The following AFF4 variants were observed in gnomAD, a reference collection of about 807,000 sequenced individuals.
AFF4 encodes the protein ALF transcription elongation factor 4.
In AFF4, 13 loss-of-function variants were observed where a neutral mutation model predicts 124.8. That is an observed-to-expected ratio of 0.10 (90% CI 0.07 to 0.17). The LOEUF is 0.17. Ranked by LOEUF, AFF4 falls within the 10% of genes least tolerant of loss-of-function variation. AFF4 has a pLI of 1.00. For missense variants in AFF4, 1,092 were observed against 1,403.8 expected, an observed-to-expected ratio of 0.78 and a Z score of 3.55; for synonymous variants, 477 against 496.1, an observed-to-expected ratio of 0.96 and a Z score of 0.51.
In AFF4 at chr5:132,879,727, G is replaced by A. The variant is rs80086203; in HGVS notation, c.*1332C>T. On this transcript the variant is annotated 3_prime_UTR_variant, in exon 21 of 21. Coordinates refer to ENST00000265343, the MANE Select transcript of AFF4 (RefSeq NM_014423.4). ...CTTCTATATGCACCTTGTAGCAAAAGGTACTTTGATATACAACTCTTACAG... is the reference window on the plus strand; with the variant it reads ...CTTCTATATGCACCTTGTAGCAAAAAGTACTTTGATATACAACTCTTACAG... 1,095 of 214,974 alleles carry A rather than the reference G, an allele frequency of 5.1e-3. 7 individuals are homozygous for A. The highest frequency in any genetic ancestry group is 6.2e-3 in the Non-Finnish European group (654 of 106,330). The allele number at this position is 214,974 out of a possible 1,614,324, so 13.3% of individuals were successfully genotyped here.
At chr5:132,926,678 G>C (rs1206750097) in intron 5 of AFF4, 1 of 149,268 alleles carries the variant, frequency 6.7e-6, no homozygotes, top group African/African-American at 2.5e-5. Context: ...CTGGGACCAC[G>C]GGCCTGTGCC....
chr5:132,926,245 G>T (rs1761168506), intron 5 of AFF4: 1 of 478,528 alleles, frequency 2.1e-6, no homozygotes, highest in Non-Finnish European at 4.2e-6. Flanking sequence ...TGGGATGAAG[G>T]GGACGGAATT....
In AFF4 at chr5:132,949,616, C is replaced by A. The variant is rs1178001387; in HGVS notation, c.-4-12423G>T. Reference sequence around the variant, plus strand: ...CACAAGGCCAGGAGACTGAGACCATCCTGCGGGTGGATCACGAGGCCAGGA... The same window carrying A: ...CACAAGGCCAGGAGACTGAGACCATACTGCGGGTGGATCACGAGGCCAGGA... On this transcript the variant is annotated intron_variant, in intron 1 of 20. Coordinates refer to ENST00000265343, the MANE Select transcript of AFF4 (RefSeq NM_014423.4). 3.3e-5 allele frequency among the ~76,000 whole-genome samples: 5 copies of A among 151,494 alleles called. No individual in the cohort carries two copies. In the Middle Eastern group the frequency reaches 0.01, roughly 309 times the overall value.
chr5:132,881,546 T>C (rs1376891124), intron 20 of AFF4, among the ~76,000 whole-genome samples: 1 of 152,238 alleles, frequency 6.6e-6, no homozygotes, highest in Non-Finnish European at 1.5e-5. Context: ...TGCTTTTGTA[T>C]AAGAAGCAAG....
At position 132,877,183 on chromosome 5, in the gene AFF4, T is replaced by C; in HGVS notation, c.*3876A>G. 1 of 208,688 alleles carries C rather than the reference T, an allele frequency of 4.8e-6. No individual in the cohort carries two copies. The highest frequency in any genetic ancestry group is 9.8e-6 in the Non-Finnish European group (1 of 102,388). 12.9% of individuals were successfully genotyped at this position (208,688 alleles called of 1,614,324 possible). On this transcript the variant is annotated 3_prime_UTR_variant, in exon 21 of 21. Coordinates refer to ENST00000265343, the MANE Select transcript of AFF4 (RefSeq NM_014423.4). Reference sequence around the variant, plus strand: ...CTGCCTAACAGTCATCCCCAGTAGATGTTCCTGGGACCCAGACACAAACTC... The same window carrying C: ...CTGCCTAACAGTCATCCCCAGTAGACGTTCCTGGGACCCAGACACAAACTC...
At position 132,896,480 on chromosome 5, in the gene AFF4, T is replaced by C. The variant is rs1561484397; in HGVS notation, c.2150A>G (p.Lys717Arg). 3 of 1,614,208 alleles carry C rather than the reference T, an allele frequency of 1.9e-6. No individual in the cohort carries two copies. Among genetic ancestry groups the C allele is most frequent in the Middle Eastern group, 1.6e-4 (1 of 6,062 alleles). The change falls in exon 11 of 21, where the codon AAG becomes AGG. Residue 717 changes from lysine to arginine, a missense_variant. By Grantham distance (26) the Lys-to-Arg change is conservative (BLOSUM62 2). Around this residue, in one of 11 missense-constraint regions of AFF4, gnomAD observed 293 missense variants for 280.2 expected, o/e 1.05. Coordinates refer to ENST00000265343, the MANE Select transcript of AFF4 (RefSeq NM_014423.4). ...EPDDRYPLIV[K>R]IDLNLLTRIP... Reference sequence around the variant, plus strand: ...TCTAGTCAAAAGATTCAGGTCAATCTTCACAATAAGTGGGTACCTGTCATC... The same window carrying C: ...TCTAGTCAAAAGATTCAGGTCAATCCTCACAATAAGTGGGTACCTGTCATC...
At position 132,877,017 on chromosome 5, in the gene AFF4, T is replaced by C. The variant is rs1198293331; in HGVS notation, c.*4042A>G. The C allele has an allele frequency of 3.5e-5, 7 of 199,174 alleles. No individual in the cohort carries two copies. The highest frequency in any genetic ancestry group is 6.2e-5 in the Non-Finnish European group (6 of 96,096). The allele number at this position is 199,174 out of a possible 1,614,324, so 12.3% of individuals were successfully genotyped here. On this transcript the variant is annotated 3_prime_UTR_variant, in exon 21 of 21. Coordinates refer to ENST00000265343, the MANE Select transcript of AFF4 (RefSeq NM_014423.4). ...ATTACTGGAAAAAAAGCCTGCCTCT[T>C]CAATACATTAATGCATAAAGCTGAA...
At chr5:132,900,796 G>GA in intron 7 of AFF4, 1 of 891,178 alleles carries the variant, frequency 1.1e-6, no homozygotes, top group Non-Finnish European at 1.3e-6. Flanking sequence ...TACATGGGAG[G>GA]AAAAATTAAT....
intron 5 of AFF4, among the ~76,000 whole-genome samples, chr5:132,910,117 A>G (rs1205103094): frequency 2.0e-5 from 3 of 152,360 alleles, no homozygotes; most frequent in East Asian, 1.9e-4. Context: ...ACACTTCCTT[A>G]TAACACCCAG....
intron 5 of AFF4, among the ~76,000 whole-genome samples, chr5:132,924,541 G>A (rs1259852857): frequency 1.3e-5 from 2 of 152,066 alleles, no homozygotes; most frequent in East Asian, 1.9e-4. Context: ...GGTTATACAG[G>A]TGCACATATC....
intron 5 of AFF4, among the ~76,000 whole-genome samples, chr5:132,916,280 A>G (rs1760909939): frequency 1.3e-5 from 2 of 148,190 alleles, no homozygotes; most frequent in Admixed American, 6.8e-5. Flanking sequence ...TCACTTAAGC[A>G]GGACAGTCTC....
At chr5:132,957,881 A>G (rs1761997699) in intron 1 of AFF4, among the ~76,000 whole-genome samples, 1 of 152,192 alleles carries the variant, frequency 6.6e-6, no homozygotes, top group African/African-American at 2.4e-5. Flanking sequence ...TCTTCAACAA[A>G]CCAATTGTAT....
At chr5:132,917,355 G>A (rs1408666662) in intron 5 of AFF4, among the ~76,000 whole-genome samples, 3 of 152,096 alleles carry the variant, frequency 2.0e-5, no homozygotes, top group African/African-American at 7.2e-5. Flanking sequence ...AAGAGGAATA[G>A]AAGAATTTCC....
At chr5:132,915,850 T>C (rs1378416611) in intron 5 of AFF4, among the ~76,000 whole-genome samples, 1 of 151,966 alleles carries the variant, frequency 6.6e-6, no homozygotes, top group Non-Finnish European at 1.5e-5. Flanking sequence ...TACGCCCGGC[T>C]GACTCACTTC....
chr5:132,938,839 A>T (rs1487627147), intron 1 of AFF4, among the ~76,000 whole-genome samples: 3 of 145,170 alleles, frequency 2.1e-5, no homozygotes, highest in African/African-American at 7.7e-5. Context: ...GCTACTCAGG[A>T]GGCTGAGGCA....
intron 5 of AFF4, among the ~76,000 whole-genome samples, chr5:132,920,669 T>C (rs181421089): frequency 1.6e-4 from 25 of 152,042 alleles, no homozygotes; most frequent in Non-Finnish European, 2.9e-4. Context: ...AAAGATTTCA[T>C]AGACACCAAA....
At chr5:132,894,537 A>C (rs1034512577) in intron 11 of AFF4, among the ~76,000 whole-genome samples, 3 of 152,250 alleles carry the variant, frequency 2.0e-5, no homozygotes, top group African/African-American at 4.8e-5. Flanking sequence ...CAAATGAATA[A>C]AGACAGACAA....
intron 7 of AFF4, among the ~76,000 whole-genome samples, chr5:132,901,649 G>T (rs553317435): frequency 1.3e-5 from 2 of 152,110 alleles, no homozygotes; most frequent in Non-Finnish European, 2.9e-5. Flanking sequence ...ATAAAAATAA[G>T]AAAACTTAAA....
intron 1 of AFF4, among the ~76,000 whole-genome samples, chr5:132,954,826 C>T (rs968516024): frequency 5.3e-5 from 8 of 152,142 alleles, no homozygotes; most frequent in Non-Finnish European, 1.2e-4. Flanking sequence ...GGATTACAGG[C>T]GTGAGCCACC....
Sources: allele counts gnomAD v4.1 joint callset (sites outside exome capture counted in the v4.1 genomes callset), GRCh38; gene constraint gnomAD v4.1.1; regional missense constraint gnomAD v4.1.1; transcripts MANE v1.5; gene names NCBI Gene and HGNC (gene_info 2026-07-23, HGNC 2026-07-21).